NOMO3: variants seen among roughly 807,000 people sequenced by gnomAD.
The protein encoded by NOMO3 is BOS complex subunit NOMO3.
NOMO3 carries 15 observed loss-of-function variants against 69.9 expected under a neutral mutation model. The ratio of observed to expected loss-of-function variants is 0.21; its 90% confidence interval spans 0.14 to 0.33. The LOEUF (loss-of-function observed/expected upper bound fraction) is 0.33. NOMO3 is among the 10% of genes least tolerant of loss of function. NOMO3 has a pLI of 1.00. For synonymous variants in NOMO3, 89 were observed against 301.9 expected (o/e 0.29, Z 7.31); for missense variants, 218 against 761.0 (o/e 0.29, Z 8.39).
intron 3 of NOMO3, 64 bp from the exon 4 acceptor site, chr16:16,243,097 A>G: frequency 1.6e-6 from 1 of 639,486 alleles, no homozygotes; most frequent in Non-Finnish European, 2.6e-6. Context: ...GGTTCACTGT[A>G]CCCCAAAACT....
At chr16:16,234,029 C>G (rs1200651590) in intron 1 of NOMO3, among the ~76,000 whole-genome samples, 1 of 151,240 alleles carries the variant, frequency 6.6e-6, no homozygotes. Flanking sequence ...ATTTCTTTAA[C>G]AAGCGGATCC....
At chr16:16,266,094 T>C (rs2141261238) in intron 15 of NOMO3, among the ~76,000 whole-genome samples, 1 of 142,198 alleles carries the variant, frequency 7.0e-6, no homozygotes, top group East Asian at 2.3e-4. Context: ...CAGTGTGAAA[T>C]GGGTTTCAGG....
intron 15 of NOMO3, among the ~76,000 whole-genome samples, chr16:16,265,670 A>ATTTTTTTTT (rs59243746): frequency 4.2e-4 from 7 of 16,686 alleles, no homozygotes; most frequent in African/African-American, 1.2e-3. Context: ...ATATATATAT[A>ATTTTTTTTT]TTTTTTTTTT....
Position 16,258,299 on chromosome 16 carries a change from AG to A in NOMO3, c.1220+2142del, listed in dbSNP as rs1214834792. 2.2e-5 allele frequency among the ~76,000 whole-genome samples: 3 copies of A among 134,670 alleles called. 1 individual carries two copies. The highest frequency in any genetic ancestry group is 9.7e-5 in the African/African-American group (3 of 31,028). 88.3% of individuals were successfully genotyped at this position (134,670 alleles called of 152,430 possible). ...TTATGGCAAATGTTGTGCAGGGAAG[AG>A]ATCAGGGTGCTGCAAGAAGAGCTAA... On this transcript the variant is annotated intron_variant, in intron 11 of 30. Transcript: ENST00000399336.
Position 16,261,557 on chromosome 16 carries a change from A to G in NOMO3, c.1276A>G (p.Met426Val). The G allele has an allele frequency of 1.3e-6, 2 of 1,588,000 alleles. No homozygotes were observed. Among genetic ancestry groups the G allele is most frequent in the Non-Finnish European group, 1.7e-6 (2 of 1,176,682 alleles). The change falls in exon 12 of 31, where the codon ATG becomes GTG. Residue 426 changes from methionine to valine, a missense_variant. Coordinates refer to ENST00000399336, the MANE Select transcript of NOMO3 (RefSeq NM_001004067.4). ...IIRFPDTVKQ[M>V]NKYKVVLSSQ... Reference sequence around the variant, plus strand: ...TCGCTTCCCCGACACCGTCAAGCAGATGAATAAATACAAAGTTGTCCTGTC... The same window carrying G: ...TCGCTTCCCCGACACCGTCAAGCAGGTGAATAAATACAAAGTTGTCCTGTC...
chr16:16,259,304 G>A (rs576871313), intron 11 of NOMO3, among the ~76,000 whole-genome samples: 3 of 144,232 alleles, frequency 2.1e-5, no homozygotes, highest in Non-Finnish European at 3.0e-5. Flanking sequence ...GGCCGATGTA[G>A]TACATTTGCC....
In NOMO3 at chr16:16,232,844, C is replaced by A. The variant is rs2049294211; in HGVS notation, c.165+13C>A. 15 of 342,212 alleles carry A rather than the reference C, an allele frequency of 4.4e-5. No homozygotes were observed. Among genetic ancestry groups the A allele is most frequent in the Non-Finnish European group, 6.3e-5 (15 of 236,742 alleles). 21.2% of individuals were successfully genotyped at this position (342,212 alleles called of 1,614,324 possible). A position where few individuals can be genotyped will look rare whatever the true frequency, so the allele number is the denominator to read the frequency against. On this transcript the variant is annotated intron_variant, in intron 1 of 30. Coordinates refer to ENST00000399336, the MANE Select transcript of NOMO3 (RefSeq NM_001004067.4). ...CTCTCTCATCGAGGTGAGCGCCCGC[C>A]CCGCCGCCCGGCGCCGAGTCGCCGG...
chr16:16,240,888 C>T (rs3021043), intron 3 of NOMO3, among the ~76,000 whole-genome samples: 6 of 131,740 alleles, frequency 4.6e-5, no homozygotes, highest in Admixed American at 7.3e-5. Flanking sequence ...GGGGTAGGGT[C>T]GGGGGTGCCT....
chr16:16,250,300 CTATA>C (rs1201367505), intron 6 of NOMO3, among the ~76,000 whole-genome samples: 1 of 137,990 alleles, frequency 7.2e-6, no homozygotes, highest in Non-Finnish European at 1.5e-5. Context: ...TCAGTTAACA[CTATA>C]TATCATTAAA....
At chr16:16,269,452 A>C (rs1350805045) in intron 16 of NOMO3, among the ~76,000 whole-genome samples, 1 of 113,666 alleles carries the variant, frequency 8.8e-6, no homozygotes, top group Admixed American at 9.3e-5. Context: ...TTTTTTTTTG[A>C]TGGTAACTAC....
At chr16:16,261,474 G>A in intron 11 of NOMO3, 28 bp from the exon 12 acceptor site, 1 of 1,574,862 alleles carries the variant, frequency 6.3e-7, no homozygotes, top group Non-Finnish European at 8.6e-7. Context: ...GAGTCCTCGT[G>A]CTGGAATGAA....
At position 16,273,962 on chromosome 16, in the gene NOMO3, C is replaced by T; in HGVS notation, c.2274-31C>T. 4.1e-6 allele frequency: 6 copies of T among 1,461,562 alleles called. 1 individual carries two copies. Among genetic ancestry groups the T allele is most frequent in the Non-Finnish European group, 5.5e-6 (6 of 1,095,220 alleles). 90.5% of individuals were successfully genotyped at this position (1,461,562 alleles called of 1,614,324 possible). ...GTCCTCTGTTTTGTGGGGATAGGAC[C>T]CGCCAAACTGAAGTATATTAATTAT... On this transcript the variant is annotated intron_variant, in intron 19 of 30. Coordinates refer to ENST00000399336, the MANE Select transcript of NOMO3 (RefSeq NM_001004067.4).
In NOMO3 at chr16:16,232,724, G is replaced by A. The variant is rs1431128545; in HGVS notation, c.58G>A (p.Val20Met). 1.3e-6 allele frequency: 1 copy of A among 748,540 alleles called. No individual in the cohort carries two copies. The highest frequency in any genetic ancestry group is 3.8e-5 in the East Asian group (1 of 26,530). The allele number at this position is 748,540 out of a possible 1,614,324, so 46.4% of individuals were successfully genotyped here. A position where few individuals can be genotyped will look rare whatever the true frequency, so the allele number is the denominator to read the frequency against. Residue 20 changes from valine to methionine, a missense_variant, in exon 1 of 31, where the codon GTG (valine) becomes ATG (methionine). Physicochemically the swap from Val to Met is conservative, Grantham distance 21. Transcript: ENST00000399336. ...GCCCGCGGTGGTCACCGCCGCGGTG[G>A]TGCTGCTGCTGAGCGGCGTGGGGCC... The part of the protein sequence containing the change: ...LGPAVVTAAV[V>M]LLLSGVGPAH...
chr16:16,235,030 C>A (rs918182313), intron 1 of NOMO3, among the ~76,000 whole-genome samples: 13 of 151,960 alleles, frequency 8.6e-5, no homozygotes, highest in East Asian at 1.9e-4. Context: ...CAGTCCCTGC[C>A]TTAAATGCAT....
chr16:16,237,410 C>A (rs1596797146), intron 2 of NOMO3, among the ~76,000 whole-genome samples: 1 of 144,838 alleles, frequency 6.9e-6, no homozygotes, highest in Middle Eastern at 3.4e-3. Flanking sequence ...ACAAGTAATA[C>A]ATGAATTCAT....
chr16:16,235,922 G>A (rs1391375032), intron 1 of NOMO3: 2 of 427,022 alleles, frequency 4.7e-6, no homozygotes, highest in Non-Finnish European at 9.3e-6. Context: ...TGAAGAAACC[G>A]AACACGAGCT....
rs1206332315 is a variant in NOMO3, at chr16:16,258,227, A to C, written c.1220+2069A>C. The stretch of plus-strand genomic sequence containing the variant: ...AAGAGATAAAAATTAAAAAATAACA[A>C]GATTTTTAAAAAAGACAAAAAAGAC... On this transcript the variant is annotated intron_variant, in intron 11 of 30. Coordinates refer to ENST00000399336, the MANE Select transcript of NOMO3 (RefSeq NM_001004067.4). 1.4e-5 allele frequency among the ~76,000 whole-genome samples: 2 copies of C among 142,472 alleles called. 1 individual carries two copies. Among genetic ancestry groups the C allele is most frequent in the African/African-American group, 5.7e-5 (2 of 34,816 alleles). 93.5% of individuals were successfully genotyped at this position (142,472 alleles called of 152,430 possible). A position where few individuals can be genotyped will look rare whatever the true frequency, so the allele number is the denominator to read the frequency against.
rs1380121395 is a variant in NOMO3 at position 16,245,558 on chromosome 16, C to A, written c.509+384C>A. Among the ~76,000 whole-genome samples, 5 of 134,762 alleles carry A rather than the reference C, an allele frequency of 3.7e-5. 1 individual carries two copies. The highest frequency in any genetic ancestry group is 1.6e-4 in the African/African-American group (5 of 30,926). The allele number at this position is 134,762 out of a possible 152,430, so 88.4% of individuals were successfully genotyped here. On this transcript the variant is annotated intron_variant, in intron 5 of 30. Coordinates refer to ENST00000399336, the MANE Select transcript of NOMO3 (RefSeq NM_001004067.4). The stretch of plus-strand genomic sequence containing the variant: ...TTAAAAAATTATATCAAGTAGAGTC[C>A]CATGGGGGAAGAAAATTAGCTGGGT...
At position 16,256,147 on chromosome 16, in the gene NOMO3, T is replaced by G. The variant is rs1231683960; in HGVS notation, c.1209T>G (p.Ile403Met). The G allele has an allele frequency of 2.5e-6, 4 of 1,587,986 alleles. No individual in the cohort carries two copies. The South Asian group carries it at 3.4e-5, about 13-fold the overall frequency. The change falls in exon 11 of 31, where the codon ATT becomes ATG. Residue 403 changes from isoleucine (I) to methionine (M), a missense_variant. By Grantham distance (10) the Ile-to-Met change is conservative. Transcript: ENST00000399336. The stretch of plus-strand genomic sequence containing the variant: ...CAAACACACCTCAGCTGGCTGACAT[T>G]GTTGCAACAGGGTAAGCTTATCGTG... ...IAPNTPQLAD[I>M]VATGFSVCGQ...
Sources: allele counts gnomAD v4.1 joint callset (sites outside exome capture counted in the v4.1 genomes callset), GRCh38; gene constraint gnomAD v4.1.1; transcripts MANE v1.5; gene names NCBI Gene and HGNC (gene_info 2026-07-23, HGNC 2026-07-21).